The following RBFOX1 variants were observed in gnomAD, a reference collection of about 807,000 sequenced individuals.
The protein encoded by RBFOX1 is RNA binding fox-1 homolog 1, also known as RNA binding protein fox-1 homolog 1.
In RBFOX1, 8 loss-of-function variants were observed where a neutral mutation model predicts 57.7. The ratio of observed to expected loss-of-function variants is 0.14; its 90% CI spans 0.08 to 0.25. The LOEUF (loss-of-function observed/expected upper bound fraction) is 0.25. RBFOX1 is among the 10% of genes least tolerant of loss of function. The pLI is 1.00. For synonymous variants in RBFOX1, 326 were observed against 222.4 expected (o/e 1.47, Z -4.15); for missense variants, 611 against 548.5 (o/e 1.11, Z -1.14).
chr16:7,235,944 C>G (rs1400093795), intron 4 of RBFOX1, among the ~76,000 whole-genome samples: 1 of 152,116 alleles, frequency 6.6e-6, no homozygotes, highest in Non-Finnish European at 1.5e-5. Flanking sequence ...CAGCCAATTT[C>G]AATATTCATT....
At chr16:7,307,055 T>G (rs1429520208) in intron 4 of RBFOX1, among the ~76,000 whole-genome samples, 1 of 152,206 alleles carries the variant, frequency 6.6e-6, no homozygotes, top group Non-Finnish European at 1.5e-5. Context: ...GAAAACAATT[T>G]TATTTTATAA....
intron 14 of RBFOX1, 63 bp from the exon 15 acceptor site, chr16:7,708,993 A>ATGAT: frequency 1.3e-6 from 2 of 1,487,810 alleles, no homozygotes; most frequent in South Asian, 1.1e-5. Flanking sequence ...TTTGGATTTT[A>ATGAT]TGATTGTTAT....
intron 5 of RBFOX1, among the ~76,000 whole-genome samples, chr16:7,541,847 A>G (rs1438442683): frequency 2.6e-5 from 4 of 152,194 alleles, no homozygotes; most frequent in Admixed American, 2.0e-4. Flanking sequence ...GATGATGTGA[A>G]GGACTTGGGG....
rs994916467 is a variant in RBFOX1 at position 7,073,356 on chromosome 16, C to G, written c.27+21258C>G. Among the ~76,000 whole-genome samples, 6 of 152,274 alleles carry G rather than the reference C, an allele frequency of 3.9e-5. No individual in the cohort carries two copies. In the South Asian group the frequency reaches 1.0e-3, roughly 26 times the overall value. ...GCATGGCCCATGACTGTAGACAAATCCTAAGAAGATCTTCCCAACAAAGCA... is the reference window on the plus strand; with the variant it reads ...GCATGGCCCATGACTGTAGACAAATGCTAAGAAGATCTTCCCAACAAAGCA... On this transcript the variant is annotated intron_variant, in intron 4 of 15. Coordinates refer to ENST00000550418, the MANE Select transcript of RBFOX1 (RefSeq NM_018723.4).
intron 2 of RBFOX1, among the ~76,000 whole-genome samples, chr16:5,598,654 A>G (rs953312217): frequency 3.3e-5 from 5 of 152,188 alleles, no homozygotes; most frequent in African/African-American, 4.8e-5. Context: ...CCCAGTGACT[A>G]TTTTATGTAT....
intron 3 of RBFOX1, among the ~76,000 whole-genome samples, chr16:6,750,332 G>A (rs895920903): frequency 2.0e-5 from 3 of 152,182 alleles, no homozygotes; most frequent in Non-Finnish European, 4.4e-5. Context: ...GTCATAGAGA[G>A]GAGCTTGGTG....
chr16:7,236,993 G>A (rs2093800447), intron 4 of RBFOX1, among the ~76,000 whole-genome samples: 1 of 152,178 alleles, frequency 6.6e-6, no homozygotes, highest in South Asian at 2.1e-4. Context: ...TTTGGAAGAG[G>A]CAAGCCGTTC....
At chr16:5,299,448 C>G (rs555669623) in intron 1 of RBFOX1, among the ~76,000 whole-genome samples, 16 of 152,298 alleles carry the variant, frequency 1.1e-4, no homozygotes, top group African/African-American at 3.6e-4. Flanking sequence ...TAGGTAAATG[C>G]TCAGGAGTAG....
At chr16:5,693,280 C>T (rs1358667242) in intron 3 of RBFOX1, among the ~76,000 whole-genome samples, 1 of 151,600 alleles carries the variant, frequency 6.6e-6, no homozygotes, top group Non-Finnish European at 1.5e-5. Context: ...GCTTGGAAAC[C>T]ATCCAAACTG....
rs138998985 is a variant in RBFOX1, at chr16:7,222,718, C to T, written c.27+170620C>T. Among the ~76,000 whole-genome samples the T allele has an allele frequency of 1.8e-3, 276 of 152,274 alleles. 2 individuals carry two copies. The highest frequency in any genetic ancestry group is 6.3e-3 in the African/African-American group (263 of 41,550). ...ATGAAATGATGTTACAGGTGTAAGCCAATGCCTGACACACATATGTATTCT... is the reference window on the plus strand; with the variant it reads ...ATGAAATGATGTTACAGGTGTAAGCTAATGCCTGACACACATATGTATTCT... On this transcript the variant is annotated intron_variant, in intron 4 of 15. Transcript: ENST00000550418.
intron 3 of RBFOX1, among the ~76,000 whole-genome samples, chr16:6,878,380 T>C (rs937968284): frequency 1.3e-5 from 2 of 152,180 alleles, no homozygotes; most frequent in African/African-American, 2.4e-5. Flanking sequence ...CTCTCTGATA[T>C]GGTGGCTAGA....
intron 14 of RBFOX1, among the ~76,000 whole-genome samples, chr16:7,678,267 T>C (rs948012442): frequency 2.0e-5 from 3 of 152,166 alleles, no homozygotes; most frequent in Admixed American, 1.3e-4. Flanking sequence ...GCAAAATGTG[T>C]TTCATGTAAG....
At chr16:6,831,596 C>T (rs1056158415) in intron 3 of RBFOX1, among the ~76,000 whole-genome samples, 1 of 152,092 alleles carries the variant, frequency 6.6e-6, no homozygotes, top group Non-Finnish European at 1.5e-5. Context: ...AAAATATTTT[C>T]AACAAGAGCC....
chr16:6,521,380 C>T (rs1008781797), intron 2 of RBFOX1, among the ~76,000 whole-genome samples: 2 of 151,576 alleles, frequency 1.3e-5, no homozygotes, highest in African/African-American at 4.9e-5. Context: ...TTAATTAAAC[C>T]TTTCCTTCCC....
At chr16:7,134,869 G>T (rs1304479283) in intron 4 of RBFOX1, among the ~76,000 whole-genome samples, 2 of 151,018 alleles carry the variant, frequency 1.3e-5, no homozygotes, top group Non-Finnish European at 2.9e-5. Context: ...CAGTGGACCT[G>T]TTAAATCACT....
intron 3 of RBFOX1, among the ~76,000 whole-genome samples, chr16:5,700,135 G>A (rs2050992720): frequency 6.6e-6 from 1 of 152,142 alleles, no homozygotes; most frequent in Non-Finnish European, 1.5e-5. Flanking sequence ...CCTGGCCAGT[G>A]TTCTGGTTTT....
chr16:6,513,935 T>C (rs1382471299), intron 2 of RBFOX1, among the ~76,000 whole-genome samples: 1 of 151,982 alleles, frequency 6.6e-6, no homozygotes, highest in African/African-American at 2.4e-5. Flanking sequence ...AACGGGCTGA[T>C]GGGAAGAACA....
intron 4 of RBFOX1, among the ~76,000 whole-genome samples, chr16:7,247,066 G>T (rs1019250182): frequency 6.6e-6 from 1 of 152,074 alleles, no homozygotes; most frequent in East Asian, 1.9e-4. Flanking sequence ...TAGTACAATG[G>T]GGTCCTTGAT....
intron 3 of RBFOX1, among the ~76,000 whole-genome samples, chr16:6,826,724 A>G (rs2092194421): frequency 6.6e-6 from 1 of 152,044 alleles, no homozygotes; most frequent in Non-Finnish European, 1.5e-5. Context: ...TATTTTTCTC[A>G]CGCTCATTTC....
Sources: allele counts gnomAD v4.1 joint callset (sites outside exome capture counted in the v4.1 genomes callset), GRCh38; gene constraint gnomAD v4.1.1; transcripts MANE v1.5; gene names NCBI Gene and HGNC (gene_info 2026-07-23, HGNC 2026-07-21).